The following KIF15 variants were observed in gnomAD, a reference collection of about 807,000 sequenced individuals.
KIF15 encodes kinesin family member 15, also known as kinesin-like protein KIF15.
A neutral mutation model predicts 190.6 loss-of-function variants in KIF15; 140 were observed. The observed-to-expected ratio is 0.73, with a 90% CI of 0.64 to 0.84. The LOEUF is 0.84. KIF15 is among the 40% of genes least tolerant of loss of function. The pLI is 0.00. For synonymous variants in KIF15, 528 were observed against 551.3 expected (o/e 0.96, Z 0.59); for missense variants, 1,372 against 1,584.4 (o/e 0.87, Z 2.28).
chr3:44,862,054 CTG>C lies in KIF15; in HGVS notation c.*59+9263_*59+9264del, dbSNP rs770406547. ...CCGCTTTTGGGGCGTATTCAACTGT[CTG>C]TGCGCCGGCGCGTTCGGGGCCCTGG... On this transcript the variant is annotated intron_variant and NMD_transcript_variant, in intron 6 of 6. Coordinates refer to the KIF15 transcript ENST00000422209. 5.4e-6 allele frequency: 7 copies of C among 1,295,922 alleles called. No homozygotes were observed. In the East Asian group the frequency reaches 1.3e-4, roughly 24 times the overall value. 80.3% of individuals were successfully genotyped at this position (1,295,922 alleles called of 1,614,324 possible).
rs1306411473 is a variant in KIF15, at chr3:44,826,206, G to GGT, written c.2700+17_2700+18insGT. ...GATCTGAATGTATGTTAAGAAGGGT[G>GGT]AATTTGTCCCGCATCTGTGACTGTC... is the stretch of plus-strand genomic sequence containing the variant. On this transcript the variant is annotated intron_variant, in intron 21 of 34. Transcript: ENST00000326047. 1.3e-6 allele frequency: 2 copies of GGT among 1,568,258 alleles called. No homozygotes were observed. Among genetic ancestry groups the GGT allele is most frequent in the Admixed American group, 2.1e-5 (1 of 47,304 alleles).
At chr3:44,818,628 T>C (rs924775197) in intron 20 of KIF15, among the ~76,000 whole-genome samples, 1 of 152,236 alleles carries the variant, frequency 6.6e-6, no homozygotes, top group Non-Finnish European at 1.5e-5. Context: ...TTTGATGTGC[T>C]GCTGGATTCA....
intron 30 of KIF15, 57 bp downstream of exon 30, chr3:44,843,291 T>A: frequency 8.6e-7 from 1 of 1,166,710 alleles, no homozygotes; most frequent in Non-Finnish European, 1.3e-6. Context: ...TGTGTGGAGT[T>A]AAATGAGGTT....
intron 10 of KIF15, among the ~76,000 whole-genome samples, chr3:44,799,740 A>G (rs1200696175): frequency 6.6e-6 from 1 of 150,518 alleles, no homozygotes; most frequent in East Asian, 1.9e-4. Flanking sequence ...AATGAAGATA[A>G]TCATTTAGTG....
chr3:44,867,719 G>A (rs1436676086), intron 6 of KIF15, among the ~76,000 whole-genome samples: 1 of 152,204 alleles, frequency 6.6e-6, no homozygotes, highest in Non-Finnish European at 1.5e-5. Flanking sequence ...TTTCTAAGAG[G>A]AAGATCAGTC....
intron 1 of KIF15, among the ~76,000 whole-genome samples, chr3:44,767,718 AC>A (rs1705457981): frequency 6.6e-6 from 1 of 151,474 alleles, no homozygotes; most frequent in Admixed American, 6.6e-5. Flanking sequence ...ACAAAGTGAA[AC>A]CCCGTCTCCA....
At chr3:44,774,464 C>CA in intron 2 of KIF15, 27 bp downstream of exon 2, 1 of 1,579,170 alleles carries the variant, frequency 6.3e-7, no homozygotes, top group Non-Finnish European at 8.7e-7. Flanking sequence ...TCTCAATGAG[C>CA]TCCCAAAGGA....
intron 32 of KIF15, among the ~76,000 whole-genome samples, chr3:44,850,208 A>C (rs77198294): frequency 0.011 from 1,604 of 152,316 alleles, 19 homozygotes; most frequent in Middle Eastern, 0.027. Flanking sequence ...AATTTATGAA[A>C]GATTTGTTAC....
At chr3:44,840,209 C>T (rs774509856) in intron 27 of KIF15, 146 bp from the exon 28 acceptor site, 177 of 524,124 alleles carry the variant, frequency 3.4e-4, no homozygotes, top group Non-Finnish European at 5.0e-4. Context: ...TGATGATAGC[C>T]ATCCCTATCA....
intron 20 of KIF15, among the ~76,000 whole-genome samples, chr3:44,821,587 C>T (rs1174094768): frequency 2.6e-5 from 4 of 151,620 alleles, no homozygotes; most frequent in Non-Finnish European, 5.9e-5. Flanking sequence ...AGAGGCGCTC[C>T]TCACTTCCTA....
intron 19 of KIF15, among the ~76,000 whole-genome samples, chr3:44,813,936 AG>A (rs1259185650): frequency 2.6e-5 from 4 of 152,144 alleles, no homozygotes; most frequent in African/African-American, 9.7e-5. Flanking sequence ...GTTTTAGATA[AG>A]CTGCTTTGAA....
intron 6 of KIF15, chr3:44,865,226 C>T: frequency 1.2e-6 from 2 of 1,612,302 alleles, no homozygotes; most frequent in Non-Finnish European, 1.7e-6. Context: ...TGATGGTGGC[C>T]CAGCCTTGGG....
chr3:44,831,848 C>A (rs1473209175), intron 26 of KIF15, among the ~76,000 whole-genome samples: 4 of 152,062 alleles, frequency 2.6e-5, no homozygotes, highest in Non-Finnish European at 5.9e-5. Flanking sequence ...ACTTTTTTCC[C>A]CACACAGATG....
In KIF15 at chr3:44,826,178, T is replaced by C. The variant is rs891953808; in HGVS notation, c.2689T>C (p.Ser897Pro). Residue 897 changes from serine (S) to proline (P), a missense_variant, in exon 21 of 35, where the codon TCT (serine) becomes CCT (proline). Physicochemically the swap from Ser to Pro is moderately conservative, Grantham distance 74. Transcript: ENST00000326047. Reference protein sequence around the residue: ...NFKKENETLKSDLNNLMELLE... With the variant: ...NFKKENETLKPDLNNLMELLE... ...CAAAAAAGAAAATGAAACTCTGAAATCTGATCTGAATGTATGTTAAGAAGG... is the reference window on the plus strand; with the variant it reads ...CAAAAAAGAAAATGAAACTCTGAAACCTGATCTGAATGTATGTTAAGAAGG... 2 of 1,578,020 alleles carry C rather than the reference T, an allele frequency of 1.3e-6. No individual in the cohort carries two copies. Among genetic ancestry groups the C allele is most frequent in the African/African-American group, 2.8e-5 (2 of 72,244 alleles).
chr3:44,865,230 C>G (rs994292782), intron 6 of KIF15: 1 of 1,611,290 alleles, frequency 6.2e-7, no homozygotes, highest in South Asian at 1.1e-5. Flanking sequence ...GGTGGCCCAG[C>G]CTTGGGATGT....
chr3:44,845,538 A>G (rs1439576201), intron 30 of KIF15, among the ~76,000 whole-genome samples: 1 of 151,866 alleles, frequency 6.6e-6, no homozygotes, highest in East Asian at 1.9e-4. Context: ...AAAGAAAGAA[A>G]CTCTGGCCCC....
Position 44,774,379 on chromosome 3 carries a change from C to CT in KIF15, c.20-5dup, listed in dbSNP as rs112868991. On this transcript the variant is annotated splice_polypyrimidine_tract_variant and intron_variant, in intron 1 of 34. Transcript: ENST00000326047. ...TTACAATTTAAATGACCTTTAATAA[C>CT]TTTTTTTTTTTCTAGCTGAGTTACG... 0.03 allele frequency: 32,777 copies of CT among 1,078,894 alleles called. No individual in the cohort carries two copies. Among genetic ancestry groups the CT allele is most frequent in the South Asian group, 0.037 (2,129 of 57,746 alleles). The allele number at this position is 1,078,894 out of a possible 1,614,324, so 66.8% of individuals were successfully genotyped here.
At chr3:44,862,142 TGCTGCTGCGGGCGGGCGGGCGGGGC>T in intron 6 of KIF15, 1 of 165,442 alleles carries the variant, frequency 6.0e-6, no homozygotes, top group Non-Finnish European at 1.1e-5. Flanking sequence ...CTGTTGGTGC[TGCTGCTGCGGGCGGGCGGGCGGGGC>T]GCCGCTGGGC....
chr3:44,826,217 G>A (rs765237484), intron 21 of KIF15, 28 bp downstream of exon 21: 27 of 1,563,410 alleles, frequency 1.7e-5, no homozygotes, highest in African/African-American at 6.9e-5. Context: ...AATTTGTCCC[G>A]CATCTGTGAC....
Sources: allele counts gnomAD v4.1 joint callset (sites outside exome capture counted in the v4.1 genomes callset), GRCh38; gene constraint gnomAD v4.1.1; transcripts MANE v1.5; gene names NCBI Gene and HGNC (gene_info 2026-07-23, HGNC 2026-07-21).